Variants in TMEM87B observed in about 807,000 individuals in gnomAD.
The protein encoded by TMEM87B is transmembrane protein 87B.
TMEM87B carries 83 observed loss-of-function variants against 80.3 expected under a neutral mutation model. The observed-to-expected ratio is 1.03, with a 90% CI of 0.87 to 1.24. The LOEUF (loss-of-function observed/expected upper bound fraction) is 1.24, where lower values mean the gene tolerates loss of function less well. TMEM87B is among the 50% of genes most tolerant of loss of function. TMEM87B has a pLI of 0.00. For synonymous variants in TMEM87B, 219 were observed against 230.5 expected (o/e 0.95, Z 0.45); for missense variants, 625 against 674.4 (o/e 0.93, Z 0.81).
intron 17 of TMEM87B, among the ~76,000 whole-genome samples, chr2:112,110,626 A>C (rs573805230): frequency 6.6e-6 from 1 of 152,052 alleles, no homozygotes; most frequent in Non-Finnish European, 1.5e-5. Context: ...TTTTTCCATC[A>C]GTGCGCATGA....
intron 11 of TMEM87B, among the ~76,000 whole-genome samples, chr2:112,096,429 C>T (rs1558845660): frequency 6.6e-6 from 1 of 152,168 alleles, no homozygotes; most frequent in Non-Finnish European, 1.5e-5. Flanking sequence ...TCTGCCTGAC[C>T]TCTGAGACTC....
chr2:112,096,986 G>GTT (rs375042771), intron 11 of TMEM87B, 58 bp from the exon 12 acceptor site: 525 of 915,568 alleles, frequency 5.7e-4, no homozygotes, highest in South Asian at 3.2e-3. Flanking sequence ...AGAAGATTCT[G>GTT]TTTTTTTTTT....
At chr2:112,067,716 T>C (rs1678478843) in intron 4 of TMEM87B, among the ~76,000 whole-genome samples, 1 of 152,244 alleles carries the variant, frequency 6.6e-6, no homozygotes, top group South Asian at 2.1e-4. Context: ...CTCTTCCTTC[T>C]GTCAACTGCA....
In TMEM87B at chr2:112,117,809, C is replaced by CA. The variant is rs1680065241; in HGVS notation, c.*1667dup. 1 of 152,120 alleles carries CA rather than the reference C, an allele frequency of 6.6e-6. No individual in the cohort carries two copies. The highest frequency in any genetic ancestry group is 2.1e-4 in the South Asian group (1 of 4,830). 9.4% of individuals were successfully genotyped at this position (152,120 alleles called of 1,614,324 possible). On this transcript the variant is annotated 3_prime_UTR_variant, in exon 19 of 19. Transcript: ENST00000283206. The stretch of plus-strand genomic sequence containing the variant: ...CCAGTAACATTTTTATCTAATACCC[C>CA]ATTCCCCAAGTTTTGAGACAGATTG...
intron 9 of TMEM87B, among the ~76,000 whole-genome samples, chr2:112,088,064 A>C (rs1301466784): frequency 6.6e-6 from 1 of 151,988 alleles, no homozygotes; most frequent in Non-Finnish European, 1.5e-5. Context: ...TGTGACTCGC[A>C]CCCCTAGGCT....
chr2:112,096,385 T>C (rs538983302), intron 11 of TMEM87B, among the ~76,000 whole-genome samples: 1 of 152,276 alleles, frequency 6.6e-6, no homozygotes, highest in Non-Finnish European at 1.5e-5. Context: ...CTTTTTATCC[T>C]TGTTTGCTGT....
At chr2:112,064,330 G>T in intron 3 of TMEM87B, 77 bp downstream of exon 3, 1 of 1,214,504 alleles carries the variant, frequency 8.2e-7, no homozygotes, top group Non-Finnish European at 1.2e-6. Flanking sequence ...CTCATCAAGC[G>T]AGGAGGCTAG....
intron 10 of TMEM87B, 97 bp from the exon 11 acceptor site, chr2:112,091,615 T>A: frequency 2.5e-6 from 2 of 815,576 alleles, no homozygotes; most frequent in South Asian, 3.3e-5. Context: ...TGTAAAGTAA[T>A]GAGATAAGCT....
chr2:112,099,635 G>T (rs1573721478), intron 14 of TMEM87B, among the ~76,000 whole-genome samples: 1 of 148,668 alleles, frequency 6.7e-6, no homozygotes. Context: ...TAGCACTTTG[G>T]GAGGCCAAGG....
At chr2:112,059,912 T>C (rs778841686) in intron 1 of TMEM87B, 65 bp from the exon 2 acceptor site, 22 of 1,556,302 alleles carry the variant, frequency 1.4e-5, no homozygotes, top group Middle Eastern at 1.7e-4. Flanking sequence ...CTATATGTTG[T>C]GGGGTAAAAC....
chr2:112,092,367 G>C (rs112356055), intron 11 of TMEM87B, among the ~76,000 whole-genome samples: 1,616 of 152,304 alleles, frequency 0.011, 14 homozygotes, highest in Middle Eastern at 0.037. Flanking sequence ...ACATGCATGG[G>C]AGAGCCTTGG....
At chr2:112,063,498 A>G (rs1298341162) in intron 2 of TMEM87B, among the ~76,000 whole-genome samples, 1 of 152,220 alleles carries the variant, frequency 6.6e-6, no homozygotes, top group Admixed American at 6.5e-5. Flanking sequence ...TGTTCTAAGC[A>G]TAGCAGACTA....
chr2:112,064,311 A>G (rs1425624330), intron 3 of TMEM87B, 58 bp downstream of exon 3: 6 of 1,385,350 alleles, frequency 4.3e-6, no homozygotes. Context: ...TTATGGGTAT[A>G]AAGATTAGCT....
intron 15 of TMEM87B, among the ~76,000 whole-genome samples, chr2:112,101,591 A>G (rs1679632970): frequency 1.3e-5 from 2 of 152,202 alleles, no homozygotes; most frequent in Non-Finnish European, 2.9e-5. Flanking sequence ...TGTGTATTAT[A>G]TGTATTTTAT....
intron 4 of TMEM87B, among the ~76,000 whole-genome samples, chr2:112,070,925 C>T (rs1413299721): frequency 6.6e-6 from 1 of 151,006 alleles, no homozygotes; most frequent in Non-Finnish European, 1.5e-5. Flanking sequence ...GGGTTCATGC[C>T]ATTCTCCTGC....
At chr2:112,076,842 T>TTTTGTGTGTGTGTG (rs1352402751) in intron 5 of TMEM87B, among the ~76,000 whole-genome samples, 3 of 139,188 alleles carry the variant, frequency 2.2e-5, no homozygotes, top group Non-Finnish European at 4.6e-5. Context: ...CTTTTCTGTT[T>TTTTGTGTGTGTGTG]TGTGTGTGTG....
At chr2:112,079,225 C>T (rs1427581070) in intron 6 of TMEM87B, among the ~76,000 whole-genome samples, 2 of 152,202 alleles carry the variant, frequency 1.3e-5, no homozygotes, top group African/African-American at 4.8e-5. Flanking sequence ...AAACTTACTC[C>T]TCCTGTGTGA....
At chr2:112,060,508 C>T (rs1047031599) in intron 2 of TMEM87B, among the ~76,000 whole-genome samples, 8 of 151,620 alleles carry the variant, frequency 5.3e-5, no homozygotes, top group Non-Finnish European at 1.0e-4. Flanking sequence ...TTGTTTCAGT[C>T]AGCACTTGGT....
At chr2:112,095,907 T>C (rs1679454381) in intron 11 of TMEM87B, among the ~76,000 whole-genome samples, 1 of 152,218 alleles carries the variant, frequency 6.6e-6, no homozygotes, top group South Asian at 2.1e-4. Flanking sequence ...GCTTCACTGC[T>C]GAGGAGTCAG....
Sources: allele counts gnomAD v4.1 joint callset (sites outside exome capture counted in the v4.1 genomes callset), GRCh38; gene constraint gnomAD v4.1.1; transcripts MANE v1.5; gene names NCBI Gene and HGNC (gene_info 2026-07-23, HGNC 2026-07-21).